The following FHIT variants were observed in gnomAD, a reference collection of about 807,000 sequenced individuals.
FHIT encodes bis(5'-adenosyl)-triphosphatase.
In FHIT, 19 loss-of-function variants were observed where a neutral mutation model predicts 17.9. The ratio of observed to expected loss-of-function variants is 1.06; its 90% CI spans 0.74 to 1.56. The LOEUF is 1.56. Ranked by LOEUF, FHIT falls within the 40% of genes most tolerant of loss-of-function variation. FHIT has a pLI of 0.00. For synonymous variants in FHIT, 81 were observed against 69.7 expected, an observed-to-expected ratio of 1.16 and a Z score of -0.81; for missense variants, 248 against 189.2, an observed-to-expected ratio of 1.31 and a Z score of -1.82.
At chr3:60,212,130 G>A (rs1703479881) in intron 5 of FHIT, among the ~76,000 whole-genome samples, 1 of 152,054 alleles carries the variant, frequency 6.6e-6, no homozygotes, top group African/African-American at 2.4e-5. Context: ...CAGTCACTTG[G>A]CAGAAAACAC....
chr3:61,219,585 C>G (rs994202317), intron 1 of FHIT, among the ~76,000 whole-genome samples: 18 of 152,150 alleles, frequency 1.2e-4, no homozygotes, highest in Non-Finnish European at 2.2e-4. Flanking sequence ...TTCCTCATGC[C>G]TAATTCGTCC....
intron 8 of FHIT, among the ~76,000 whole-genome samples, chr3:59,812,424 G>A (rs994289719): frequency 6.6e-5 from 10 of 152,148 alleles, no homozygotes; most frequent in African/African-American, 2.4e-4. Flanking sequence ...TCAGGGTAAC[G>A]GCAGCTGCCT....
chr3:59,855,091 T>C (rs528973140), intron 8 of FHIT, among the ~76,000 whole-genome samples: 16 of 152,232 alleles, frequency 1.1e-4, no homozygotes, highest in Non-Finnish European at 2.1e-4. Context: ...CTATCATAAC[T>C]GTAACATTAA....
At chr3:59,983,031 C>G (rs1410945354) in intron 7 of FHIT, among the ~76,000 whole-genome samples, 1 of 152,040 alleles carries the variant, frequency 6.6e-6, no homozygotes, top group Non-Finnish European at 1.5e-5. Flanking sequence ...CCCCACCTCC[C>G]TGGCTCAAGC....
At chr3:60,215,228 ACAGCTGT>A in intron 5 of FHIT, among the ~76,000 whole-genome samples, 1 of 152,312 alleles carries the variant, frequency 6.6e-6, no homozygotes, top group East Asian at 1.9e-4. Context: ...CTGGTGGCTC[ACAGCTGT>A]AATCCCAGCA....
chr3:60,848,510 C>A (rs1474455309), intron 3 of FHIT, among the ~76,000 whole-genome samples: 1 of 152,088 alleles, frequency 6.6e-6, no homozygotes, highest in Non-Finnish European at 1.5e-5. Context: ...ACCCTTCAAC[C>A]CCTGAAGATT....
At chr3:60,602,510 G>A (rs1278642998) in intron 4 of FHIT, among the ~76,000 whole-genome samples, 1 of 136,242 alleles carries the variant, frequency 7.3e-6, no homozygotes, top group African/African-American at 2.6e-5. Context: ...AACCTTCTTG[G>A]AGAGAAAAAA....
intron 4 of FHIT, among the ~76,000 whole-genome samples, chr3:60,757,642 G>T (rs1553718653): frequency 6.6e-6 from 1 of 152,160 alleles, no homozygotes; most frequent in Admixed American, 6.5e-5. Flanking sequence ...AGTGACCAGG[G>T]TGGACATGTG....
At chr3:61,060,826 C>A (rs1248695243) in intron 2 of FHIT, among the ~76,000 whole-genome samples, 2 of 152,216 alleles carry the variant, frequency 1.3e-5, no homozygotes, top group Admixed American at 1.3e-4. Flanking sequence ...GCCTGGCTGG[C>A]TTTTCATCTA....
chr3:60,873,824 C>T (rs1704523867), intron 3 of FHIT, among the ~76,000 whole-genome samples: 1 of 152,128 alleles, frequency 6.6e-6, no homozygotes, highest in African/African-American at 2.4e-5. Flanking sequence ...GTTTCAACAG[C>T]AAAGCCCTTT....
chr3:60,244,203 A>G (rs1413766577), intron 5 of FHIT, among the ~76,000 whole-genome samples: 1 of 152,070 alleles, frequency 6.6e-6, no homozygotes, highest in Non-Finnish European at 1.5e-5. Flanking sequence ...CTAATGTTCA[A>G]TACTTCAGTT....
chr3:60,279,045 T>C (rs1334552831), intron 5 of FHIT, among the ~76,000 whole-genome samples: 1 of 151,812 alleles, frequency 6.6e-6, no homozygotes, highest in African/African-American at 2.4e-5. Flanking sequence ...AGAGCAGAAA[T>C]CAATTACATT....
chr3:61,147,978 A>G (rs990493449), intron 2 of FHIT, among the ~76,000 whole-genome samples: 3 of 151,882 alleles, frequency 2.0e-5, no homozygotes, highest in Admixed American at 6.6e-5. Flanking sequence ...TTAACTTCAG[A>G]AAGAATTATT....
chr3:60,257,881 T>A (rs1052903629), intron 5 of FHIT, among the ~76,000 whole-genome samples: 2 of 151,724 alleles, frequency 1.3e-5, no homozygotes, highest in Non-Finnish European at 2.9e-5. Flanking sequence ...CAAAACAAAC[T>A]AAGGCCTGTC....
intron 3 of FHIT, chr3:60,912,626 TC>T (rs1186816139): frequency 5.6e-6 from 2 of 358,824 alleles, no homozygotes; most frequent in African/African-American, 4.3e-5. Context: ...TCCCCACCTA[TC>T]AGGAAAGAAA....
intron 5 of FHIT, among the ~76,000 whole-genome samples, chr3:60,112,313 G>A (rs145098330): frequency 1.3e-5 from 2 of 152,214 alleles, no homozygotes; most frequent in African/African-American, 4.8e-5. Flanking sequence ...AGCTGTCTTG[G>A]AGCCATAGTA....
At chr3:60,841,536 C>G (rs1271709214) in intron 3 of FHIT, among the ~76,000 whole-genome samples, 1 of 152,194 alleles carries the variant, frequency 6.6e-6, no homozygotes, top group African/African-American at 2.4e-5. Flanking sequence ...AATGTCTATG[C>G]TTATCTTGCC....
chr3:59,997,154 G>C (rs1201763841), intron 7 of FHIT, among the ~76,000 whole-genome samples: 4 of 152,114 alleles, frequency 2.6e-5, no homozygotes, highest in African/African-American at 9.7e-5. Flanking sequence ...GTTTAAAAGA[G>C]AACAGTCACC....
chr3:61,106,596 T>C (rs1470201130), intron 2 of FHIT, among the ~76,000 whole-genome samples: 4 of 152,222 alleles, frequency 2.6e-5, no homozygotes, highest in African/African-American at 9.6e-5. Context: ...TTTTAAAATA[T>C]GTATGCATTG....
Sources: allele counts gnomAD v4.1 joint callset (sites outside exome capture counted in the v4.1 genomes callset), GRCh38; gene constraint gnomAD v4.1.1; transcripts MANE v1.5; gene names NCBI Gene and HGNC (gene_info 2026-07-23, HGNC 2026-07-21).